The following IGF1 variants were observed in gnomAD, a reference collection of about 807,000 sequenced individuals.
The protein encoded by IGF1 is insulin like growth factor 1.
In IGF1, 4 loss-of-function variants were observed where a neutral mutation model predicts 13.8. That is an observed-to-expected ratio of 0.29 (90% CI 0.14 to 0.66). IGF1 has a LOEUF of 0.66. IGF1 is among the 30% of genes least tolerant of loss of function. The pLI is 0.78. For synonymous variants in IGF1, 76 were observed against 72.6 expected (o/e 1.05, Z -0.23); for missense variants, 124 against 188.5 (o/e 0.66, Z 2.00).
At chr12:102,441,906 G>GCTGCTGCTGCCT in intron 2 of IGF1, among the ~76,000 whole-genome samples, 15 of 100,346 alleles carry the variant, frequency 1.5e-4, no homozygotes, top group Admixed American at 3.2e-4. Context: ...CTATTACACT[G>GCTGCTGCTGCCT]CTTCTTCTCC....
At position 102,401,500 on chromosome 12, in the gene IGF1, C is replaced by G. The variant is rs1271976480; in HGVS notation, c.*1007G>C. ...CCCAAATGGATGGTGTTTTCAGTAC[C>G]CTTCCCCTTGTGTCATCTTTGGCTC... On this transcript the variant is annotated 3_prime_UTR_variant, in exon 4 of 4. Coordinates refer to ENST00000337514, the MANE Select transcript of IGF1 (RefSeq NM_000618.5). 1 of 152,562 alleles carries G rather than the reference C, an allele frequency of 6.6e-6. No individual in the cohort carries two copies. Among genetic ancestry groups the G allele is most frequent in the Non-Finnish European group, 1.5e-5 (1 of 68,038 alleles). The allele number at this position is 152,562 out of a possible 1,614,324, so 9.5% of individuals were successfully genotyped here. A position where few individuals can be genotyped will look rare whatever the true frequency, so the allele number is the denominator to read the frequency against.
chr12:102,480,445 C>T lies in IGF1; in HGVS notation c.-64G>A. ...CAGGAATAATGAAGCAAAAAGAAAT[C>T]CAGAGAGATGGGAGATGTTGAGAGC... On this transcript the variant is annotated 5_prime_UTR_variant, in exon 1 of 4. Coordinates refer to ENST00000337514, the MANE Select transcript of IGF1 (RefSeq NM_000618.5). 1 of 1,610,152 alleles carries T rather than the reference C, an allele frequency of 6.2e-7. No individual in the cohort carries two copies. The highest frequency in any genetic ancestry group is 1.1e-5 in the South Asian group (1 of 90,838).
Position 102,403,065 on chromosome 12 carries a change from G to A in IGF1, c.403-499C>T, listed in dbSNP as rs1520221. On this transcript the variant is annotated intron_variant, in intron 3 of 3. Coordinates refer to ENST00000337514, the MANE Select transcript of IGF1 (RefSeq NM_000618.5). ...GCAGAGTTTCAGAAATCGAAGATTAGGAAATCTTATAATTAATTTTGAGTC... is the reference window on the plus strand; with the variant it reads ...GCAGAGTTTCAGAAATCGAAGATTAAGAAATCTTATAATTAATTTTGAGTC... Among the ~76,000 whole-genome samples, 1,218 of 152,240 alleles carry A rather than the reference G, an allele frequency of 8.0e-3. 11 individuals carry two copies. The highest frequency in any genetic ancestry group is 0.012 in the Non-Finnish European group (783 of 68,026).
At chr12:102,441,918 T>TCTTCTTCTTCTTCTTCTC (rs1877804299) in intron 2 of IGF1, among the ~76,000 whole-genome samples, 1 of 83,066 alleles carries the variant, frequency 1.2e-5, no homozygotes, top group Admixed American at 1.3e-4. Flanking sequence ...TTCTTCTCCT[T>TCTTCTTCTTCTTCTTCTC]CTTCTTCTTC....
At chr12:102,417,197 T>C (rs1180272427) in intron 3 of IGF1, among the ~76,000 whole-genome samples, 1 of 130,032 alleles carries the variant, frequency 7.7e-6, no homozygotes, top group African/African-American at 3.0e-5. Context: ...CTTTTATATC[T>C]GATTCCAAAG....
At chr12:102,435,213 G>A (rs1877119507) in intron 2 of IGF1, among the ~76,000 whole-genome samples, 1 of 152,192 alleles carries the variant, frequency 6.6e-6, no homozygotes, top group Admixed American at 6.5e-5. Flanking sequence ...ACTATGTGAT[G>A]TGAGGAAGCT....
intron 2 of IGF1, among the ~76,000 whole-genome samples, chr12:102,452,786 G>A (rs143276745): frequency 8.2e-4 from 125 of 152,330 alleles, no homozygotes; most frequent in African/African-American, 3.0e-3. Context: ...CTGGGTCAAA[G>A]AGGAGCGCTT....
At chr12:102,465,984 TAA>T (rs1830324254) in intron 2 of IGF1, among the ~76,000 whole-genome samples, 1 of 120,700 alleles carries the variant, frequency 8.3e-6, no homozygotes, top group Non-Finnish European at 1.8e-5. Context: ...AATAAATAAA[TAA>T]AGATAACCAA....
At chr12:102,468,730 C>CT in intron 2 of IGF1, among the ~76,000 whole-genome samples, 1 of 152,360 alleles carries the variant, frequency 6.6e-6, no homozygotes, top group South Asian at 2.1e-4. Flanking sequence ...CGATGGAACT[C>CT]TGCCAGGGCG....
At chr12:102,479,898 G>C (rs1046118696) in intron 1 of IGF1, among the ~76,000 whole-genome samples, 2 of 151,216 alleles carry the variant, frequency 1.3e-5, no homozygotes, top group South Asian at 2.1e-4. Flanking sequence ...TACACACACA[G>C]AGACACATAC....
In IGF1 at chr12:102,471,063, C is replaced by G. The variant is rs559492704; in HGVS notation, c.220+4580G>C. 7.2e-5 allele frequency among the ~76,000 whole-genome samples: 11 copies of G among 152,286 alleles called. No individual in the cohort carries two copies. The East Asian group carries it at 2.1e-3, about 29-fold the overall frequency. ...AAGACCTGCATGTATTTGGTCATAT[C>G]TAAGCTTCTATTCCATCCCCGAGGG... On this transcript the variant is annotated intron_variant, in intron 2 of 3. Coordinates refer to ENST00000337514, the MANE Select transcript of IGF1 (RefSeq NM_000618.5).
At chr12:102,477,362 C>T (rs569659959) in intron 1 of IGF1, among the ~76,000 whole-genome samples, 6 of 151,392 alleles carry the variant, frequency 4.0e-5, no homozygotes, top group East Asian at 3.9e-4. Flanking sequence ...AGATGAAAAG[C>T]GCCCTCTATT....
chr12:102,421,155 A>G (rs1342326772), intron 2 of IGF1, among the ~76,000 whole-genome samples: 3 of 152,076 alleles, frequency 2.0e-5, no homozygotes, highest in East Asian at 3.9e-4. Context: ...TTCCTTCTGT[A>G]AGGCAGGTTT....
At chr12:102,437,442 CT>C (rs934309641) in intron 2 of IGF1, among the ~76,000 whole-genome samples, 4 of 152,364 alleles carry the variant, frequency 2.6e-5, no homozygotes, top group African/African-American at 9.6e-5. Flanking sequence ...TGTGCAGAAG[CT>C]TTTTAGTTTG....
chr12:102,419,427 G>A, intron 3 of IGF1, 82 bp downstream of exon 3: 9 of 1,364,278 alleles, frequency 6.6e-6, no homozygotes, highest in Non-Finnish European at 9.1e-6. Context: ...GAGACTATGG[G>A]GCAGGATTTC....
intron 2 of IGF1, 130 bp downstream of exon 2, chr12:102,475,513 A>C: frequency 2.2e-5 from 22 of 997,560 alleles, no homozygotes; most frequent in Non-Finnish European, 3.0e-5. Context: ...AAGGTGAGGA[A>C]TCTCAGAGGC....
chr12:102,463,755 G>T (rs1210050255), intron 2 of IGF1, among the ~76,000 whole-genome samples: 1 of 152,196 alleles, frequency 6.6e-6, no homozygotes, highest in Non-Finnish European at 1.5e-5. Flanking sequence ...CCTCATATGA[G>T]TTTATTGAGG....
intron 2 of IGF1, among the ~76,000 whole-genome samples, chr12:102,436,642 T>G (rs976801588): frequency 6.6e-6 from 1 of 152,164 alleles, no homozygotes; most frequent in Non-Finnish European, 1.5e-5. Context: ...CCACTGATGA[T>G]TGCCCATAGA....
At chr12:102,480,636 AT>A, upstream of IGF1, 1 of 1,340,060 alleles carries the variant, frequency 7.5e-7, no homozygotes, top group Non-Finnish European at 9.6e-7. Flanking sequence ...CTGGGGGAAC[AT>A]TTGCCTTCTC....
Sources: allele counts gnomAD v4.1 joint callset (sites outside exome capture counted in the v4.1 genomes callset), GRCh38; gene constraint gnomAD v4.1.1; transcripts MANE v1.5; gene names NCBI Gene and HGNC (gene_info 2026-07-23, HGNC 2026-07-21).